Variants in TAS2R1 observed in about 807,000 individuals in gnomAD.
The protein encoded by TAS2R1 is taste receptor type 2 member 1.
For missense variants in TAS2R1, 370 were observed against 353.4 expected, an observed-to-expected ratio of 1.05 and a Z score of -0.38; for synonymous variants, 141 against 134.2, an observed-to-expected ratio of 1.05 and a Z score of -0.35.
the TAS2R1 span, among the ~76,000 whole-genome samples, chr5:9,729,473 A>G: frequency 4.0e-4 from 61 of 152,152 alleles, no homozygotes; most frequent in Non-Finnish European, 8.2e-4. Flanking sequence ...TAAGGTCCCT[A>G]TTTATTCTTG....
At chr5:9,882,732 AATTAG>A in the TAS2R1 span, among the ~76,000 whole-genome samples, 4 of 152,212 alleles carry the variant, frequency 2.6e-5, no homozygotes, top group African/African-American at 4.8e-5. Context: ...TGAGATTGTA[AATTAG>A]TTTAACCATT....
chr5:9,637,889 T>C (rs1739995413), intron 2 of TAS2R1, among the ~76,000 whole-genome samples: 1 of 152,244 alleles, frequency 6.6e-6, no homozygotes, highest in Non-Finnish European at 1.5e-5. Context: ...TCTTAAGCAG[T>C]TGAATAATCA....
At chr5:9,855,047 C>G in the TAS2R1 span, among the ~76,000 whole-genome samples, 148 of 152,356 alleles carry the variant, frequency 9.7e-4, no homozygotes, top group African/African-American at 3.5e-3. Context: ...GAACAGCTAG[C>G]AACCCTGCCC....
At chr5:9,896,765 C>A in the TAS2R1 span, among the ~76,000 whole-genome samples, 1 of 152,118 alleles carries the variant, frequency 6.6e-6, no homozygotes, top group Non-Finnish European at 1.5e-5. Flanking sequence ...AGGCAAGGAC[C>A]TCATTTGCCA....
the TAS2R1 span, among the ~76,000 whole-genome samples, chr5:9,830,355 A>T: frequency 6.6e-6 from 1 of 152,168 alleles, no homozygotes; most frequent in Admixed American, 6.5e-5. Context: ...CACAGATGAC[A>T]GATGATTGAC....
chr5:9,654,755 C>T (rs1740376598), intron 2 of TAS2R1, among the ~76,000 whole-genome samples: 1 of 152,146 alleles, frequency 6.6e-6, no homozygotes, highest in Admixed American at 6.6e-5. Context: ...AAATATGAAA[C>T]AAGTCTTAGT....
chr5:9,684,415 G>A lies in TAS2R1; in HGVS notation c.-241-24834C>T, dbSNP rs77504259. 7.2e-3 allele frequency among the ~76,000 whole-genome samples: 1,100 copies of A among 152,288 alleles called. 9 individuals carry two copies. The highest frequency in any genetic ancestry group is 0.024 in the African/African-American group (1,007 of 41,562). On this transcript the variant is annotated intron_variant, in intron 1 of 2. Coordinates refer to the TAS2R1 transcript ENST00000506620. ...GGAAATGGTAGCAGGGAGAAAAGGC[G>A]AGGTAGATGTTGGTTAACAGATACA...
chr5:9,706,546 G>A (rs1255659601), intron 1 of TAS2R1, among the ~76,000 whole-genome samples: 1 of 152,196 alleles, frequency 6.6e-6, no homozygotes, highest in Non-Finnish European at 1.5e-5. Flanking sequence ...AAATGTCCAT[G>A]CTCCAGGAAA....
intron 1 of TAS2R1, among the ~76,000 whole-genome samples, chr5:9,698,419 T>A (rs546810439): frequency 6.6e-6 from 1 of 152,336 alleles, no homozygotes; most frequent in South Asian, 2.1e-4. Flanking sequence ...TTCTCAAATG[T>A]TGTCAACATG....
At chr5:9,885,948 GT>G in the TAS2R1 span, among the ~76,000 whole-genome samples, 3 of 151,964 alleles carry the variant, frequency 2.0e-5, no homozygotes, top group Non-Finnish European at 4.4e-5. Context: ...CAAAGAAATG[GT>G]TTTTCATAGA....
At chr5:9,845,361 C>T in the TAS2R1 span, among the ~76,000 whole-genome samples, 2 of 152,200 alleles carry the variant, frequency 1.3e-5, no homozygotes, top group East Asian at 3.8e-4. Context: ...GTCTGTTCTG[C>T]TTTATCTCCC....
intron 2 of TAS2R1, among the ~76,000 whole-genome samples, chr5:9,640,484 AC>A (rs1323006071): frequency 7.6e-6 from 1 of 132,326 alleles, no homozygotes; most frequent in Non-Finnish European, 1.6e-5. Flanking sequence ...ATTGCCACAA[AC>A]CTTCAATTCC....
At chr5:9,701,304 C>T (rs893480999) in intron 1 of TAS2R1, among the ~76,000 whole-genome samples, 1 of 151,392 alleles carries the variant, frequency 6.6e-6, no homozygotes, top group African/African-American at 2.4e-5. Context: ...CTGTTTCTTC[C>T]CGGACCCCTC....
At chr5:9,679,525 C>A (rs898071470) in intron 1 of TAS2R1, among the ~76,000 whole-genome samples, 1 of 152,162 alleles carries the variant, frequency 6.6e-6, no homozygotes, top group Non-Finnish European at 1.5e-5. Flanking sequence ...GCAACAGGAA[C>A]TGCCCATAAA....
the TAS2R1 span, among the ~76,000 whole-genome samples, chr5:9,896,147 A>G: frequency 6.6e-5 from 10 of 152,230 alleles, 1 homozygote; most frequent in Admixed American, 6.5e-4. Context: ...TCCCCAGGCA[A>G]CTTGGGTCTA....
At chr5:9,733,481 T>A in the TAS2R1 span, among the ~76,000 whole-genome samples, 6 of 152,348 alleles carry the variant, frequency 3.9e-5, no homozygotes, top group African/African-American at 1.4e-4. Flanking sequence ...AAAGTCAAAA[T>A]GGTTAATGGG....
chr5:9,720,445 C>T, the TAS2R1 span, among the ~76,000 whole-genome samples: 1 of 152,192 alleles, frequency 6.6e-6, no homozygotes, highest in South Asian at 2.1e-4. Flanking sequence ...TGGAATGTAC[C>T]TCTGAAGGCC....
At chr5:9,675,216 T>C (rs1740849903) in intron 1 of TAS2R1, among the ~76,000 whole-genome samples, 1 of 150,734 alleles carries the variant, frequency 6.6e-6, no homozygotes, top group Admixed American at 6.6e-5. Context: ...TGTTCACAGA[T>C]TGGAAGAATC....
chr5:9,770,439 A>G, the TAS2R1 span, among the ~76,000 whole-genome samples: 2 of 152,010 alleles, frequency 1.3e-5, no homozygotes, highest in African/African-American at 2.4e-5. Flanking sequence ...TGTTTTTTCT[A>G]TTTCTCTGAG....
Sources: allele counts gnomAD v4.1 joint callset (sites outside exome capture counted in the v4.1 genomes callset), GRCh38; gene constraint gnomAD v4.1.1; transcripts MANE v1.5; gene names NCBI Gene and HGNC (gene_info 2026-07-23, HGNC 2026-07-21).